The following GPC3 variants were observed in gnomAD, a reference collection of about 807,000 sequenced individuals.
GPC3 encodes the protein glypican 3, also known as glypican-3.
A neutral mutation model predicts 34.4 loss-of-function variants in GPC3; 3 were observed. That is an observed-to-expected ratio of 0.09 (90% confidence interval 0.04 to 0.23). The LOEUF (loss-of-function observed/expected upper bound fraction) is 0.23, where lower values mean the gene tolerates loss of function less well. Ranked by LOEUF, GPC3 falls within the 10% of genes least tolerant of loss-of-function variation. GPC3 has a pLI of 1.00. For missense variants in GPC3, 351 were observed against 445.6 expected (o/e 0.79, Z 1.91); for synonymous variants, 177 against 174.0 (o/e 1.02, Z -0.13).
At chrX:133,681,698 G>A (rs773438796) in intron 5 of GPC3, among the ~76,000 whole-genome samples, 65 of 111,851 alleles carry the variant, frequency 5.8e-4, no homozygotes, top group Non-Finnish European at 1.1e-3. Flanking sequence ...AGGGCCGCTA[G>A]CAGGAAGCTC....
At chrX:133,932,732 T>C (rs1330993189) in intron 2 of GPC3, among the ~76,000 whole-genome samples, 1 of 111,428 alleles carries the variant, frequency 9.0e-6, no homozygotes, top group Non-Finnish European at 1.9e-5. Flanking sequence ...TGACTTAAAC[T>C]CTGTGCTTTC....
intron 5 of GPC3, among the ~76,000 whole-genome samples, chrX:133,663,122 C>CTACTCA (rs1229096054): frequency 9.0e-6 from 1 of 110,976 alleles, no homozygotes; most frequent in Non-Finnish European, 1.9e-5. Context: ...TGGAATGATA[C>CTACTCA]TACTCATACT....
chrX:133,898,025 A>G (rs758836738), intron 2 of GPC3, among the ~76,000 whole-genome samples: 2 of 111,673 alleles, frequency 1.8e-5, no homozygotes, highest in African/African-American at 6.5e-5. Context: ...TTGCCTTAGT[A>G]CAGACATCTG....
intron 3 of GPC3, among the ~76,000 whole-genome samples, chrX:133,705,907 C>T (rs996881308): frequency 2.7e-5 from 3 of 112,097 alleles, no homozygotes; most frequent in Non-Finnish European, 5.6e-5. Context: ...AATTAGTAAC[C>T]ATACGAAAGC....
intron 2 of GPC3, among the ~76,000 whole-genome samples, chrX:133,893,258 A>G (rs1485223933): frequency 1.8e-5 from 2 of 111,362 alleles, no homozygotes; most frequent in Admixed American, 1.9e-4. Flanking sequence ...ACTCCGTTTC[A>G]AAAAAGAGAA....
chrX:133,591,253 G>A (rs2069845080), intron 7 of GPC3, among the ~76,000 whole-genome samples: 2 of 112,123 alleles, frequency 1.8e-5, no homozygotes, highest in Admixed American at 1.9e-4. Flanking sequence ...GGTGGTGAAC[G>A]TGCATGGTGT....
At chrX:133,595,365 C>CT (rs1480940199) in intron 7 of GPC3, among the ~76,000 whole-genome samples, 1 of 111,338 alleles carries the variant, frequency 9.0e-6, no homozygotes, top group Admixed American at 9.5e-5. Flanking sequence ...CATTTCTTCT[C>CT]TGAGCCCTGG....
chrX:133,891,648 A>G (rs191756355), intron 2 of GPC3, among the ~76,000 whole-genome samples: 64 of 107,836 alleles, frequency 5.9e-4, no homozygotes, highest in African/African-American at 2.1e-3. Flanking sequence ...AATTATTATA[A>G]TAATAATAGG....
intron 2 of GPC3, among the ~76,000 whole-genome samples, chrX:133,759,942 T>C (rs1292355197): frequency 9.0e-6 from 1 of 111,038 alleles, no homozygotes; most frequent in Non-Finnish European, 1.9e-5. Flanking sequence ...AATTCAACAG[T>C]AAGAAAACAA....
chrX:133,656,736 C>T, intron 6 of GPC3, among the ~76,000 whole-genome samples: 1 of 110,090 alleles, frequency 9.1e-6, no homozygotes, highest in Non-Finnish European at 1.9e-5. Context: ...CAAGGCAGAA[C>T]AGAAGAATTG....
chrX:133,580,470 T>C (rs2069722796), intron 7 of GPC3, among the ~76,000 whole-genome samples: 1 of 111,501 alleles, frequency 9.0e-6, no homozygotes, highest in Non-Finnish European at 1.9e-5. Flanking sequence ...CCATATGAAG[T>C]GGTGTGTGGG....
chrX:133,720,637 T>C (rs2071355680), intron 3 of GPC3, among the ~76,000 whole-genome samples: 3 of 111,546 alleles, frequency 2.7e-5, no homozygotes, highest in African/African-American at 9.8e-5. Flanking sequence ...AACAAACTAA[T>C]ACAATGCTCA....
At chrX:133,625,578 A>G (rs2070290429) in intron 6 of GPC3, among the ~76,000 whole-genome samples, 1 of 111,821 alleles carries the variant, frequency 8.9e-6, no homozygotes, top group African/African-American at 3.3e-5. Flanking sequence ...TGCTACAAAG[A>G]GAATAAAATA....
intron 2 of GPC3, among the ~76,000 whole-genome samples, chrX:133,897,293 A>G (rs1189837305): frequency 2.1e-5 from 2 of 95,437 alleles, no homozygotes; most frequent in African/African-American, 8.0e-5. Flanking sequence ...CAAGCCATCC[A>G]CCCACTTTGG....
chrX:133,604,725 A>G (rs1421961945), intron 6 of GPC3, among the ~76,000 whole-genome samples: 1 of 112,007 alleles, frequency 8.9e-6, no homozygotes. Flanking sequence ...GGCTACTCAC[A>G]TACTTTCTGT....
chrX:133,535,835 A>C lies in GPC3; in HGVS notation c.*289T>G. The C allele has an allele frequency of 3.0e-6, 1 of 331,874 alleles. No individual in the cohort carries two copies. 27.4% of individuals were successfully genotyped at this position (331,874 alleles called of 1,213,427 possible). On this transcript the variant is annotated 3_prime_UTR_variant, in exon 8 of 8. Transcript: ENST00000370818. ...GGGAGTGAGAGAGAAAGACATGGTA[A>C]CCATGTTCTAGCAGCCAAACATAGG... is the stretch of plus-strand genomic sequence containing the variant.
At chrX:133,681,564 C>T (rs1176713255) in intron 5 of GPC3, among the ~76,000 whole-genome samples, 1 of 112,108 alleles carries the variant, frequency 8.9e-6, no homozygotes, top group Non-Finnish European at 1.9e-5. Flanking sequence ...AGAACTGTGC[C>T]AGTAGCAGCA....
At position 133,632,739 on chromosome X, in the gene GPC3, C is replaced by G. The variant is rs186760505; in HGVS notation, c.1413+28991G>C. Among the ~76,000 whole-genome samples the G allele has an allele frequency of 4.7e-3, 519 of 111,559 alleles. 2 individuals carry two copies. Among genetic ancestry groups the G allele is most frequent in the African/African-American group, 0.016 (480 of 30,703 alleles). On this transcript the variant is annotated intron_variant, in intron 6 of 7. Transcript: ENST00000370818. ...TAATTGTTCTTTCTGTGTGAACATG[C>G]AGTGCTCCATAACTTGTAAGCTTTA...
intron 7 of GPC3, among the ~76,000 whole-genome samples, chrX:133,539,898 A>C (rs139389917): frequency 1.8e-5 from 2 of 112,697 alleles, no homozygotes; most frequent in African/African-American, 6.4e-5. Context: ...TGAAAGATAA[A>C]TACAGACATT....
Sources: gnomAD v4.1 joint callset for allele counts (sites outside exome capture counted in the v4.1 genomes callset) on GRCh38, gnomAD v4.1.1 for gene constraint, MANE v1.5 for transcripts, NCBI Gene and HGNC (gene_info 2026-07-23, HGNC 2026-07-21) for gene names.